VWA3B: variants seen among roughly 807,000 people sequenced by gnomAD.
VWA3B encodes von Willebrand factor A domain containing 3B, also known as von Willebrand factor A domain-containing protein 3B.
Under a neutral mutation model 158.3 loss-of-function variants are expected in VWA3B, and 138 were observed. That is an observed-to-expected ratio of 0.87 (90% confidence interval 0.76 to 1.00). The LOEUF is 1.00. VWA3B is among the 50% of genes least tolerant of loss of function. VWA3B has a pLI of 0.00. For missense variants in VWA3B, 1,555 were observed against 1,565.1 expected (o/e 0.99, Z 0.11); for synonymous variants, 596 against 587.3 (o/e 1.01, Z -0.21).
intron 7 of VWA3B, among the ~76,000 whole-genome samples, chr2:98,137,580 A>C (rs1473131224): frequency 2.0e-5 from 3 of 152,266 alleles, no homozygotes; most frequent in African/African-American, 4.8e-5. Context: ...ACCTCTCTAT[A>C]TATATATGTT....
chr2:98,175,362 A>G lies in VWA3B; in HGVS notation c.1115-5654A>G, dbSNP rs115348092. ...ACCAATTAGAGATATCAATAATGAG[A>G]GAAATTTTATTTAAGAAGCAAATAG... On this transcript the variant is annotated intron_variant, in intron 8 of 27. Coordinates refer to ENST00000477737, the MANE Select transcript of VWA3B (RefSeq NM_144992.5). Among the ~76,000 whole-genome samples the G allele has an allele frequency of 3.7e-3, 567 of 152,342 alleles. 4 individuals carry two copies. Among genetic ancestry groups the G allele is most frequent in the African/African-American group, 0.013 (524 of 41,594 alleles).
chr2:98,277,271 C>T (rs1441138762), intron 22 of VWA3B, among the ~76,000 whole-genome samples: 1 of 152,178 alleles, frequency 6.6e-6, no homozygotes, highest in Non-Finnish European at 1.5e-5. Context: ...CCTAGCACCC[C>T]TCATGTTACT....
intron 19 of VWA3B, 41 bp from the exon 20 acceptor site, chr2:98,250,277 T>C (rs1209749818): frequency 6.5e-7 from 1 of 1,532,224 alleles, no homozygotes; most frequent in Non-Finnish European, 8.9e-7. Context: ...CGCATTAACC[T>C]ATCAAGTGAC....
chr2:98,185,087 G>A (rs2105371951), intron 9 of VWA3B, among the ~76,000 whole-genome samples: 1 of 152,132 alleles, frequency 6.6e-6, no homozygotes, highest in South Asian at 2.1e-4. Flanking sequence ...TACCACTCCT[G>A]CCTTAGGCAT....
intron 15 of VWA3B, 24 bp from the exon 16 acceptor site, chr2:98,230,025 CG>C: frequency 6.5e-7 from 1 of 1,542,274 alleles, no homozygotes; most frequent in Non-Finnish European, 8.7e-7. Flanking sequence ...TTTTTTTGCT[CG>C]ACTTTTTATC....
intron 8 of VWA3B, among the ~76,000 whole-genome samples, chr2:98,164,521 C>T (rs2105256937): frequency 6.6e-6 from 1 of 152,318 alleles, no homozygotes. Context: ...TTATCTCCAA[C>T]TGACAGGTGA....
chr2:98,140,215 A>G (rs917521701), intron 7 of VWA3B, among the ~76,000 whole-genome samples: 4 of 152,238 alleles, frequency 2.6e-5, no homozygotes, highest in Admixed American at 2.6e-4. Context: ...TCTTGAAGTC[A>G]GTGAGACCAA....
At chr2:98,232,010 T>A (rs1279495404) in intron 16 of VWA3B, among the ~76,000 whole-genome samples, 3 of 152,216 alleles carry the variant, frequency 2.0e-5, no homozygotes, top group African/African-American at 7.2e-5. Flanking sequence ...GCTAATAGTG[T>A]CCTCACCAAG....
At chr2:98,316,514 C>G (rs1691089105), downstream of VWA3B, among the ~76,000 whole-genome samples, 2 of 151,946 alleles carry the variant, frequency 1.3e-5, no homozygotes, top group Admixed American at 1.3e-4. Context: ...TGTGGTGACA[C>G]ACGCCTGTAG....
intron 1 of VWA3B, among the ~76,000 whole-genome samples, chr2:98,087,683 G>C (rs931405490): frequency 6.6e-6 from 1 of 152,196 alleles, no homozygotes; most frequent in Non-Finnish European, 1.5e-5. Context: ...TAGGCCAGCA[G>C]TTCAAGGTGA....
At chr2:98,119,455 G>C in intron 3 of VWA3B, 58 bp from the exon 4 acceptor site, 3 of 1,577,708 alleles carry the variant, frequency 1.9e-6, no homozygotes, top group Non-Finnish European at 2.6e-6. Context: ...GCAGCACTGT[G>C]GTTCAAATGA....
chr2:98,154,293 C>T (rs1259389885), intron 7 of VWA3B, among the ~76,000 whole-genome samples: 3 of 152,146 alleles, frequency 2.0e-5, no homozygotes, highest in Non-Finnish European at 2.9e-5. Context: ...GACAAGGTTC[C>T]CAGTCGGCGG....
At chr2:98,124,279 G>A (rs777882512) in intron 5 of VWA3B, among the ~76,000 whole-genome samples, 2 of 152,232 alleles carry the variant, frequency 1.3e-5, no homozygotes, top group Non-Finnish European at 2.9e-5. Context: ...TTGAGGGGAA[G>A]ATGTGGGTCC....
intron 14 of VWA3B, 127 bp downstream of exon 14, chr2:98,218,155 G>C (rs752267414): frequency 1.9e-6 from 2 of 1,039,934 alleles, no homozygotes; most frequent in African/African-American, 1.6e-5. Context: ...AAAATGAGTC[G>C]CTTAACAATG....
Position 98,202,573 on chromosome 2 carries a change from C to T in VWA3B, c.1737+8081C>T, listed in dbSNP as rs928691487. Among the ~76,000 whole-genome samples the T allele has an allele frequency of 3.3e-5, 5 of 151,982 alleles. No homozygotes were observed. The South Asian group carries it at 1.0e-3, about 32-fold the overall frequency. Reference sequence around the variant, plus strand: ...GTTTTTTTAAATTAAATCTCCATTTCTTAGATCTAAGAATTTAATGATATA... The same window carrying T: ...GTTTTTTTAAATTAAATCTCCATTTTTTAGATCTAAGAATTTAATGATATA... On this transcript the variant is annotated intron_variant, in intron 12 of 27. Transcript: ENST00000477737.
intron 9 of VWA3B, among the ~76,000 whole-genome samples, chr2:98,185,075 T>G (rs1347767652): frequency 2.0e-5 from 3 of 152,180 alleles, no homozygotes; most frequent in Non-Finnish European, 4.4e-5. Context: ...CAACTCCATC[T>G]CTACCACTCC....
intron 22 of VWA3B, among the ~76,000 whole-genome samples, chr2:98,271,657 A>G (rs1688209063): frequency 1.3e-5 from 2 of 152,208 alleles, no homozygotes; most frequent in African/African-American, 4.8e-5. Context: ...AATGTTAAAC[A>G]TTTATAGTTA....
intron 9 of VWA3B, among the ~76,000 whole-genome samples, chr2:98,187,707 T>TGTGTGTGTGTGTG (rs1681216984): frequency 7.1e-6 from 1 of 140,552 alleles, no homozygotes; most frequent in African/African-American, 2.7e-5. Context: ...TGTGTGTCGG[T>TGTGTGTGTGTGTG]TGGGGGTGTC....
At chr2:98,142,255 T>G (rs1444686008) in intron 7 of VWA3B, among the ~76,000 whole-genome samples, 1 of 152,160 alleles carries the variant, frequency 6.6e-6, no homozygotes, top group Non-Finnish European at 1.5e-5. Context: ...GTGAAAATCT[T>G]TTGTAGACCC....
Sources: gnomAD v4.1 joint callset for allele counts (sites outside exome capture counted in the v4.1 genomes callset) on GRCh38, gnomAD v4.1.1 for gene constraint, MANE v1.5 for transcripts, NCBI Gene and HGNC (gene_info 2026-07-23, HGNC 2026-07-21) for gene names.